The following DENND1B variants were observed in gnomAD, a reference collection of about 807,000 sequenced individuals.
The protein encoded by DENND1B is DENN domain containing 1B, also known as DENN domain-containing protein 1B.
DENND1B carries 59 observed loss-of-function variants against 90.1 expected under a neutral mutation model. The ratio of observed to expected loss-of-function variants is 0.65; its 90% CI spans 0.53 to 0.81. The LOEUF (loss-of-function observed/expected upper bound fraction) is 0.81, where lower values mean the gene tolerates loss of function less well. Ranked by LOEUF, DENND1B falls within the 40% of genes least tolerant of loss-of-function variation. The probability of loss-of-function intolerance (pLI) is 0.00; values close to 1 mark genes in which losing one functional copy is unlikely to be tolerated. For synonymous variants in DENND1B, 337 were observed against 324.6 expected (o/e 1.04, Z -0.41); for missense variants, 862 against 912.6 (o/e 0.94, Z 0.71).
At chr1:197,716,027 G>A (rs1186367840) in intron 2 of DENND1B, among the ~76,000 whole-genome samples, 2 of 151,576 alleles carry the variant, frequency 1.3e-5, no homozygotes, top group Admixed American at 6.6e-5. Context: ...TCCACGCCAA[G>A]TAAAAGGACT....
At chr1:197,724,746 CAAT>C (rs1392610353) in intron 2 of DENND1B, among the ~76,000 whole-genome samples, 2 of 151,910 alleles carry the variant, frequency 1.3e-5, no homozygotes, top group Non-Finnish European at 2.9e-5. Flanking sequence ...AAATGTTATA[CAAT>C]AACATAACTC....
At chr1:197,752,823 C>T (rs973453981) in intron 2 of DENND1B, among the ~76,000 whole-genome samples, 2 of 151,772 alleles carry the variant, frequency 1.3e-5, no homozygotes, top group African/African-American at 4.9e-5. Flanking sequence ...GTGTGATGTT[C>T]CCCACCCTGT....
the DENND1B span, among the ~76,000 whole-genome samples, chr1:197,781,502 T>C: frequency 3.9e-5 from 6 of 152,186 alleles, no homozygotes; most frequent in East Asian, 1.2e-3. Context: ...ACTGAGATAG[T>C]GTTGTTAAGG....
intron 16 of DENND1B, chr1:197,552,224 A>T: frequency 2.0e-6 from 2 of 983,954 alleles, no homozygotes; most frequent in Non-Finnish European, 2.4e-6. Flanking sequence ...AATTGCTATT[A>T]TACCAGGCCA....
intron 2 of DENND1B, among the ~76,000 whole-genome samples, chr1:197,723,189 T>C (rs1396045895): frequency 3.9e-5 from 6 of 152,216 alleles, no homozygotes; most frequent in Admixed American, 2.0e-4. Context: ...GCATGTTAGA[T>C]ATAACATTTT....
chr1:197,529,430 A>C (rs1233841577), intron 20 of DENND1B, among the ~76,000 whole-genome samples: 1 of 151,404 alleles, frequency 6.6e-6, no homozygotes, highest in Admixed American at 6.6e-5. Context: ...AGGGCTTAAC[A>C]ACAAAAAGCT....
chr1:197,545,432 C>G (rs986548441), intron 18 of DENND1B: 1 of 154,842 alleles, frequency 6.5e-6, no homozygotes, highest in Non-Finnish European at 1.4e-5. Flanking sequence ...TGTGTTGGGC[C>G]ACATTCAAAG....
intron 16 of DENND1B, among the ~76,000 whole-genome samples, chr1:197,548,679 C>T (rs374515642): frequency 1.3e-5 from 2 of 151,934 alleles, no homozygotes; most frequent in East Asian, 3.9e-4. Flanking sequence ...TGAAAAACTC[C>T]CTCTAAGACT....
At chr1:197,746,708 G>T in intron 2 of DENND1B, 1 of 854,366 alleles carries the variant, frequency 1.2e-6, no homozygotes, top group Non-Finnish European at 2.0e-6. Flanking sequence ...TCAGTAAATT[G>T]AGCATTTGAG....
intron 10 of DENND1B, among the ~76,000 whole-genome samples, chr1:197,639,640 T>C (rs749277083): frequency 1.3e-5 from 2 of 152,098 alleles, no homozygotes; most frequent in African/African-American, 2.4e-5. Flanking sequence ...TAAAAATGGA[T>C]AAAACGTTAA....
At position 197,621,884 on chromosome 1, in the gene DENND1B, A is replaced by G. The variant is rs150044698; in HGVS notation, c.673-4125T>C. Among the ~76,000 whole-genome samples the G allele has an allele frequency of 1.6e-3, 246 of 151,624 alleles. 2 individuals are homozygous for G. Among genetic ancestry groups the G allele is most frequent in the African/African-American group, 5.4e-3 (223 of 41,486 alleles). ...AAAATTTCTTATCTTTATGTGACAT[A>G]TGATATTTAAAATGCACATATATTT... On this transcript the variant is annotated intron_variant, in intron 10 of 22. Coordinates refer to ENST00000620048, the MANE Select transcript of DENND1B (RefSeq NM_001195215.2).
At chr1:197,577,719 T>C (rs1673810990) in intron 15 of DENND1B, among the ~76,000 whole-genome samples, 1 of 152,188 alleles carries the variant, frequency 6.6e-6, no homozygotes, top group Admixed American at 6.6e-5. Flanking sequence ...GAGTTGTGGA[T>C]TTAAGGAACT....
At chr1:197,672,292 T>C (rs948352622) in intron 4 of DENND1B, 136 bp from the exon 5 acceptor site, 125 of 1,061,090 alleles carry the variant, frequency 1.2e-4, no homozygotes, top group African/African-American at 2.4e-4. Flanking sequence ...TAGAACTATG[T>C]TCTAAAACTA....
intron 15 of DENND1B, among the ~76,000 whole-genome samples, chr1:197,580,216 C>T (rs1674095628): frequency 6.7e-6 from 1 of 148,758 alleles, no homozygotes; most frequent in South Asian, 2.1e-4. Flanking sequence ...TTCAGCCTCC[C>T]AAGTAGCTGG....
chr1:197,671,968 G>A, intron 5 of DENND1B, 69 bp downstream of exon 5: 1 of 1,421,534 alleles, frequency 7.0e-7, no homozygotes, highest in Non-Finnish European at 9.3e-7. Context: ...TTCATCCCAA[G>A]CATAACAAAG....
At chr1:197,561,026 TTCTC>T (rs1442658536) in intron 15 of DENND1B, among the ~76,000 whole-genome samples, 2 of 151,952 alleles carry the variant, frequency 1.3e-5, no homozygotes, top group Non-Finnish European at 2.9e-5. Flanking sequence ...AAAGACTAAC[TTCTC>T]TAACAATTTT....
intron 3 of DENND1B, among the ~76,000 whole-genome samples, chr1:197,699,126 C>G (rs909283018): frequency 4.6e-5 from 7 of 152,108 alleles, no homozygotes; most frequent in African/African-American, 1.7e-4. Flanking sequence ...AAACTTCAGG[C>G]CAATATCCCC....
intron 3 of DENND1B, among the ~76,000 whole-genome samples, chr1:197,688,036 G>C (rs1446978923): frequency 6.6e-6 from 1 of 151,896 alleles, no homozygotes; most frequent in East Asian, 1.9e-4. Flanking sequence ...CAAACTATTT[G>C]AAAAGCAAAT....
intron 10 of DENND1B, among the ~76,000 whole-genome samples, chr1:197,626,232 C>T (rs547219501): frequency 4.6e-5 from 7 of 152,110 alleles, no homozygotes; most frequent in Admixed American, 1.3e-4. Flanking sequence ...TTTTTCAGCA[C>T]CATACCACAC....
Sources: gnomAD v4.1 joint callset for allele counts (sites outside exome capture counted in the v4.1 genomes callset) on GRCh38, gnomAD v4.1.1 for gene constraint, MANE v1.5 for transcripts, NCBI Gene and HGNC (gene_info 2026-07-23, HGNC 2026-07-21) for gene names.